Variants in ITFG1 observed in about 807,000 individuals in gnomAD.
The protein encoded by ITFG1 is T-cell immunomodulatory protein.
In ITFG1, 34 loss-of-function variants were observed where a neutral mutation model predicts 81.8. The ratio of observed to expected loss-of-function variants is 0.42; its 90% CI spans 0.32 to 0.55. ITFG1 has a LOEUF of 0.55. Among genes scored for constraint, ITFG1 ranks in the 20% least tolerant of loss-of-function variants. The pLI is 0.17. For synonymous variants in ITFG1, 285 were observed against 270.6 expected (o/e 1.05, Z -0.52); for missense variants, 672 against 755.4 (o/e 0.89, Z 1.29).
At chr16:47,209,801 A>G (rs1460986473) in intron 14 of ITFG1, among the ~76,000 whole-genome samples, 7 of 152,202 alleles carry the variant, frequency 4.6e-5, no homozygotes, top group Non-Finnish European at 8.8e-5. Flanking sequence ...AAATAGAATC[A>G]TATAGTATAT....
chr16:47,161,922 T>C (rs1964812853), intron 15 of ITFG1, 90 bp from the exon 16 acceptor site: 2 of 835,642 alleles, frequency 2.4e-6, no homozygotes, highest in Admixed American at 3.8e-5. Flanking sequence ...TCTAGCTACT[T>C]TGAGAAATTC....
At chr16:47,394,897 A>G (rs1968575549) in intron 6 of ITFG1, among the ~76,000 whole-genome samples, 1 of 152,180 alleles carries the variant, frequency 6.6e-6, no homozygotes, top group African/African-American at 2.4e-5. Flanking sequence ...AAGACCATTT[A>G]TGAAAAAAAT....
intron 15 of ITFG1, 90 bp from the exon 16 acceptor site, chr16:47,161,922 T>TTG: frequency 4.8e-6 from 4 of 835,642 alleles, no homozygotes; most frequent in Non-Finnish European, 7.9e-6. Flanking sequence ...TCTAGCTACT[T>TTG]TGAGAAATTC....
At chr16:47,366,524 T>G (rs1184187444) in intron 7 of ITFG1, among the ~76,000 whole-genome samples, 1 of 152,214 alleles carries the variant, frequency 6.6e-6, no homozygotes, top group Non-Finnish European at 1.5e-5. Context: ...TTTCACTCAC[T>G]CTTTCCAAAC....
At chr16:47,166,890 T>G (rs1964897434) in intron 14 of ITFG1, among the ~76,000 whole-genome samples, 1 of 152,142 alleles carries the variant, frequency 6.6e-6, no homozygotes, top group South Asian at 2.1e-4. Flanking sequence ...AAGGAGAGGG[T>G]TGCATCACTT....
At chr16:47,298,398 C>G (rs1967017458) in intron 10 of ITFG1, among the ~76,000 whole-genome samples, 1 of 152,086 alleles carries the variant, frequency 6.6e-6, no homozygotes, top group African/African-American at 2.4e-5. Context: ...AATACTTCAG[C>G]ATTATTACAC....
intron 2 of ITFG1, among the ~76,000 whole-genome samples, chr16:47,456,619 G>A (rs1210491521): frequency 6.6e-6 from 1 of 151,770 alleles, no homozygotes; most frequent in Admixed American, 6.6e-5. Context: ...TAGAACCAGG[G>A]AGGTGGAGGT....
intron 5 of ITFG1, among the ~76,000 whole-genome samples, chr16:47,441,765 G>C (rs1350540226): frequency 6.6e-6 from 1 of 152,054 alleles, no homozygotes; most frequent in Admixed American, 6.6e-5. Context: ...TTTGAAAACT[G>C]GCACAAGACA....
At chr16:47,412,997 G>A (rs952983561) in intron 6 of ITFG1, among the ~76,000 whole-genome samples, 1 of 152,022 alleles carries the variant, frequency 6.6e-6, no homozygotes, top group African/African-American at 2.4e-5. Context: ...AGGTTGACAG[G>A]CAAATTTAAG....
chr16:47,438,123 C>T (rs1261234148), intron 5 of ITFG1, among the ~76,000 whole-genome samples: 2 of 152,132 alleles, frequency 1.3e-5, no homozygotes, highest in Admixed American at 6.5e-5. Context: ...AAGGCCACAG[C>T]GAGGCTGGGG....
At chr16:47,317,040 C>T (rs370305231) in intron 8 of ITFG1, among the ~76,000 whole-genome samples, 2 of 152,178 alleles carry the variant, frequency 1.3e-5, no homozygotes, top group African/African-American at 4.8e-5. Context: ...AGAGAAACTG[C>T]AACAGATGGA....
rs1002714306 is a variant in ITFG1, at chr16:47,162,569, C to T, written c.1549G>A (p.Val517Ile). Residue 517 changes from valine to isoleucine, a missense_variant, in exon 15 of 18, where the codon GTT becomes ATT. Physicochemically the swap from Val to Ile is conservative, Grantham distance 29. This residue lies in a region of ITFG1 where 560 missense variants were observed against 625.7 expected (regional missense o/e 0.90). Coordinates refer to ENST00000320640, the MANE Select transcript of ITFG1 (RefSeq NM_030790.5). Reference protein sequence around the residue: ...RSANFLDHLYVGIPRPSGEKS... With the variant: ...RSANFLDHLYIGIPRPSGEKS... ...TCTCCAGATGGACGGGGAATACCAA[C>T]GTAGAGATGGTCAAGAAAATTTGCG... The T allele has an allele frequency of 3.7e-6, 6 of 1,611,706 alleles. No homozygotes were observed. Among genetic ancestry groups the T allele is most frequent in the South Asian group, 1.1e-5 (1 of 90,726 alleles).
intron 5 of ITFG1, among the ~76,000 whole-genome samples, chr16:47,436,465 T>C (rs894197496): frequency 6.6e-6 from 1 of 152,164 alleles, no homozygotes; most frequent in African/African-American, 2.4e-5. Flanking sequence ...TAAAATTTTA[T>C]TGGAAACGCA....
intron 5 of ITFG1, among the ~76,000 whole-genome samples, chr16:47,429,105 T>G (rs1207083922): frequency 6.6e-6 from 1 of 152,226 alleles, no homozygotes; most frequent in East Asian, 1.9e-4. Context: ...CAAAGCATTT[T>G]CATCACACCA....
intron 10 of ITFG1, among the ~76,000 whole-genome samples, chr16:47,270,439 T>A (rs1966326033): frequency 6.6e-6 from 1 of 152,110 alleles, no homozygotes; most frequent in Non-Finnish European, 1.5e-5. Context: ...ACAGAACAGA[T>A]AAAATTAAAA....
intron 12 of ITFG1, among the ~76,000 whole-genome samples, chr16:47,249,596 TA>T (rs1309694570): frequency 6.6e-6 from 1 of 152,178 alleles, no homozygotes; most frequent in Admixed American, 6.5e-5. Context: ...TAAAAAGCAG[TA>T]ATTAAAACAC....
intron 12 of ITFG1, among the ~76,000 whole-genome samples, chr16:47,255,981 A>G (rs956293553): frequency 6.8e-6 from 1 of 148,076 alleles, no homozygotes; most frequent in African/African-American, 2.5e-5. Context: ...TTATTTTTTT[A>G]TTTTTTTTTT....
chr16:47,263,515 G>A (rs1966236473), intron 10 of ITFG1: 1 of 303,842 alleles, frequency 3.3e-6, no homozygotes, highest in African/African-American at 2.2e-5. Context: ...GGAGGGTGAT[G>A]TAGCTGTTTG....
rs12598876 is a variant in ITFG1, at chr16:47,333,233, A to G, written c.803-19410T>C. Among the ~76,000 whole-genome samples the G allele has an allele frequency of 3.4e-3, 520 of 152,298 alleles. 5 individuals are homozygous for G. Among genetic ancestry groups the G allele is most frequent in the East Asian group, 0.023 (121 of 5,178 alleles). ...CAAAAACTATGAATAACAGAGTATT[A>G]TCTTTAATTTACAGATGAGGACATT... On this transcript the variant is annotated intron_variant, in intron 8 of 17. Coordinates refer to ENST00000320640, the MANE Select transcript of ITFG1 (RefSeq NM_030790.5).
Sources: gnomAD v4.1 joint callset for allele counts (sites outside exome capture counted in the v4.1 genomes callset) on GRCh38, gnomAD v4.1.1 for gene constraint, gnomAD v4.1.1 regional missense constraint, MANE v1.5 for transcripts, NCBI Gene and HGNC (gene_info 2026-07-23, HGNC 2026-07-21) for gene names.